The following GPC5 variants were observed in gnomAD, a reference collection of about 807,000 sequenced individuals.
The protein encoded by GPC5 is glypican 5, also known as glypican-5.
GPC5 carries 47 observed loss-of-function variants against 53.9 expected under a neutral mutation model. The ratio of observed to expected loss-of-function variants is 0.87; its 90% CI spans 0.69 to 1.11. The LOEUF is 1.11. Ranked by LOEUF, GPC5 falls within the 50% of genes most tolerant of loss-of-function variation. The pLI is 0.00. For missense variants in GPC5, 748 were observed against 713.1 expected (o/e 1.05, Z -0.56); for synonymous variants, 286 against 263.3 (o/e 1.09, Z -0.84).
At chr13:91,944,015 T>C (rs1036228297) in intron 6 of GPC5, among the ~76,000 whole-genome samples, 2 of 151,902 alleles carry the variant, frequency 1.3e-5, no homozygotes, top group Non-Finnish European at 2.9e-5. Flanking sequence ...TTAGACTCTA[T>C]GCTATTTTTA....
chr13:91,926,505 C>A (rs1018469888), intron 6 of GPC5, among the ~76,000 whole-genome samples: 1 of 152,090 alleles, frequency 6.6e-6, no homozygotes, highest in African/African-American at 2.4e-5. Flanking sequence ...AAGCTGATAT[C>A]CAGACCTGTT....
chr13:92,018,157 T>A (rs530908621), intron 6 of GPC5, among the ~76,000 whole-genome samples: 2 of 152,216 alleles, frequency 1.3e-5, no homozygotes, highest in South Asian at 4.2e-4. Flanking sequence ...GTGCAACAGC[T>A]CTTTGAGAAT....
rs1876669444 is a variant in GPC5 at position 91,398,753 on chromosome 13, C to T, written c.-294C>T. 3 of 368,024 alleles carry T rather than the reference C, an allele frequency of 8.2e-6. No homozygotes were observed. The highest frequency in any genetic ancestry group is 1.5e-5 in the Non-Finnish European group (3 of 205,000). The allele number at this position is 368,024 out of a possible 1,614,324, so 22.8% of individuals were successfully genotyped here. On this transcript the variant is annotated 5_prime_UTR_variant, in exon 1 of 8. Transcript: ENST00000377067. ...TGGCCAGAGCGGATGCTTGCGGGCT[C>T]CCTGCGGCTCCACTAGTTTTCTTCG...
intron 7 of GPC5, among the ~76,000 whole-genome samples, chr13:92,575,311 T>A (rs1454416095): frequency 2.0e-5 from 3 of 152,194 alleles, no homozygotes; most frequent in Non-Finnish European, 4.4e-5. Flanking sequence ...CCAGTGACTG[T>A]TATTTTTATA....
chr13:91,733,956 C>T (rs2036759223), intron 4 of GPC5, among the ~76,000 whole-genome samples: 1 of 152,108 alleles, frequency 6.6e-6, no homozygotes, highest in South Asian at 2.1e-4. Flanking sequence ...ATGATATTGG[C>T]TGTGGGTTTG....
chr13:91,978,636 A>G (rs2138712326), intron 6 of GPC5, among the ~76,000 whole-genome samples: 1 of 152,336 alleles, frequency 6.6e-6, no homozygotes, highest in Admixed American at 6.5e-5. Context: ...GTAGAGACAG[A>G]GCCTTGGGAG....
At chr13:91,523,698 A>G (rs1051121511) in intron 2 of GPC5, among the ~76,000 whole-genome samples, 1 of 152,198 alleles carries the variant, frequency 6.6e-6, no homozygotes, top group Non-Finnish European at 1.5e-5. Flanking sequence ...ACATTTGCTA[A>G]GAGAATAAAC....
intron 2 of GPC5, among the ~76,000 whole-genome samples, chr13:91,456,209 T>A (rs988979648): frequency 6.6e-6 from 1 of 152,132 alleles, no homozygotes; most frequent in Non-Finnish European, 1.5e-5. Context: ...CTGTTGTCTG[T>A]TAGATATTTT....
At chr13:92,598,010 C>T (rs1883933566) in intron 7 of GPC5, among the ~76,000 whole-genome samples, 1 of 152,126 alleles carries the variant, frequency 6.6e-6, no homozygotes, top group African/African-American at 2.4e-5. Flanking sequence ...TTCAGTTATT[C>T]ACTTTATATA....
rs762635714 is a variant in GPC5, at chr13:92,774,674, G to GA, written c.1562-91602dup. On this transcript the variant is annotated intron_variant, in intron 7 of 7. Transcript: ENST00000377067. ...CCTGAATCTAGTCCAATTCAGCACA[G>GA]AAAAAATGAAAGTTTAATGTTTGTA... 1.1e-3 allele frequency among the ~76,000 whole-genome samples: 164 copies of GA among 152,162 alleles called. 1 individual carries two copies. The highest frequency in any genetic ancestry group is 3.4e-3 in the Middle Eastern group (1 of 294).
At chr13:92,313,421 G>A (rs2043158646) in intron 7 of GPC5, among the ~76,000 whole-genome samples, 2 of 152,130 alleles carry the variant, frequency 1.3e-5, no homozygotes, top group African/African-American at 4.8e-5. Flanking sequence ...CAAGGACAGG[G>A]ACCCTTGTAT....
At chr13:91,657,845 T>A (rs2034885699) in intron 2 of GPC5, among the ~76,000 whole-genome samples, 1 of 152,168 alleles carries the variant, frequency 6.6e-6, no homozygotes, top group African/African-American at 2.4e-5. Context: ...TACGCATACA[T>A]GTAGAAAGTA....
At chr13:92,059,345 C>T (rs920259542) in intron 6 of GPC5, among the ~76,000 whole-genome samples, 1 of 152,036 alleles carries the variant, frequency 6.6e-6, no homozygotes, top group Non-Finnish European at 1.5e-5. Context: ...GCAGAAAGAT[C>T]ATCAGTGCTG....
At chr13:91,484,652 T>C (rs1211358296) in intron 2 of GPC5, among the ~76,000 whole-genome samples, 1 of 152,218 alleles carries the variant, frequency 6.6e-6, no homozygotes, top group Non-Finnish European at 1.5e-5. Context: ...TTGGAGAGAC[T>C]GTGGCAAAGA....
At chr13:91,631,177 G>C (rs1348285918) in intron 2 of GPC5, among the ~76,000 whole-genome samples, 1 of 152,160 alleles carries the variant, frequency 6.6e-6, no homozygotes, top group Admixed American at 6.6e-5. Context: ...TAAGGCCTTA[G>C]GTATTGGCAA....
chr13:92,302,485 G>C (rs1488406804), intron 7 of GPC5, among the ~76,000 whole-genome samples: 1 of 152,044 alleles, frequency 6.6e-6, no homozygotes, highest in Non-Finnish European at 1.5e-5. Context: ...AAAAAAAATT[G>C]CTTTTTAAAC....
chr13:92,814,587 G>A (rs1337892060), intron 7 of GPC5, among the ~76,000 whole-genome samples: 2 of 151,288 alleles, frequency 1.3e-5, no homozygotes, highest in Admixed American at 1.3e-4. Flanking sequence ...CTTTAACCTG[G>A]GAGCCAGAGG....
At chr13:91,988,492 A>G (rs889520737) in intron 6 of GPC5, among the ~76,000 whole-genome samples, 20 of 152,208 alleles carry the variant, frequency 1.3e-4, no homozygotes, top group Non-Finnish European at 2.5e-4. Flanking sequence ...CTAAGTATCC[A>G]GATGAGCTGA....
At chr13:92,283,529 T>G (rs1007062893) in intron 7 of GPC5, among the ~76,000 whole-genome samples, 5 of 152,028 alleles carry the variant, frequency 3.3e-5, no homozygotes, top group South Asian at 2.1e-4. Context: ...GAACAGAAAT[T>G]ATAACAAACT....
Sources: allele counts gnomAD v4.1 joint callset (sites outside exome capture counted in the v4.1 genomes callset), GRCh38; gene constraint gnomAD v4.1.1; transcripts MANE v1.5; gene names NCBI Gene and HGNC (gene_info 2026-07-23, HGNC 2026-07-21).